LINGO1: variants seen among roughly 807,000 people sequenced by gnomAD.
The protein encoded by LINGO1 is leucine rich repeat and Ig domain containing 1.
LINGO1 carries 11 observed loss-of-function variants against 37.3 expected under a neutral mutation model. That is an observed-to-expected ratio of 0.29 (90% CI 0.19 to 0.49). LINGO1 has a LOEUF of 0.49. LINGO1 is among the 20% of genes least tolerant of loss of function. LINGO1 has a pLI of 0.99. For missense variants in LINGO1, 585 were observed against 878.2 expected (o/e 0.67, Z 4.22); for synonymous variants, 387 against 403.0 (o/e 0.96, Z 0.48).
intron 3 of LINGO1, among the ~76,000 whole-genome samples, chr15:77,650,329 T>C (rs1276743226): frequency 6.6e-6 from 1 of 152,288 alleles, no homozygotes; most frequent in Admixed American, 6.5e-5. Flanking sequence ...CAAAAAAATA[T>C]ACATATTATG....
chr15:77,646,316 G>A, intron 3 of LINGO1: 1 of 370,002 alleles, frequency 2.7e-6, no homozygotes, highest in Non-Finnish European at 5.4e-6. Flanking sequence ...GGGGAACCCG[G>A]ACCTACATGG....
intron 2 of LINGO1, among the ~76,000 whole-genome samples, chr15:77,729,058 C>A (rs1166467082): frequency 3.3e-5 from 5 of 152,186 alleles, no homozygotes; most frequent in Non-Finnish European, 5.9e-5. Flanking sequence ...CTCTTTAACC[C>A]TCCTTCCCTG....
At chr15:77,772,224 G>A (rs1280217713) in intron 1 of LINGO1, among the ~76,000 whole-genome samples, 1 of 152,216 alleles carries the variant, frequency 6.6e-6, no homozygotes, top group African/African-American at 2.4e-5. Context: ...AATGACCTGG[G>A]TGGATGGTCT....
chr15:77,773,596 T>C (rs4275820), intron 1 of LINGO1, among the ~76,000 whole-genome samples: 142,916 of 152,154 alleles, frequency 0.94, 67,233 homozygotes, highest in Non-Finnish European at 0.97. Context: ...GGAAGGCAGG[T>C]ATGACTCCAG....
At chr15:77,803,351 G>A (rs552058768) in intron 1 of LINGO1, among the ~76,000 whole-genome samples, 1 of 152,278 alleles carries the variant, frequency 6.6e-6, no homozygotes, top group East Asian at 1.9e-4. Flanking sequence ...AGGAGGCTGA[G>A]GTGGCAGGAT....
chr15:77,692,739 A>G (rs1473898176), intron 1 of LINGO1, among the ~76,000 whole-genome samples: 1 of 152,148 alleles, frequency 6.6e-6, no homozygotes, highest in East Asian at 1.9e-4. Context: ...GTAAACTTCA[A>G]TAAACACCTC....
At chr15:77,641,370 A>C (rs1475207356) in intron 3 of LINGO1, among the ~76,000 whole-genome samples, 1 of 152,206 alleles carries the variant, frequency 6.6e-6, no homozygotes, top group Non-Finnish European at 1.5e-5. Flanking sequence ...ATGTGCAAAA[A>C]CGAAGGAGGG....
At chr15:77,691,353 C>T (rs913092456) in intron 1 of LINGO1, among the ~76,000 whole-genome samples, 1 of 152,116 alleles carries the variant, frequency 6.6e-6, no homozygotes, top group Non-Finnish European at 1.5e-5. Context: ...CAAAGGCAAA[C>T]ACAGTTCCTC....
chr15:77,750,115 A>G (rs1295216981), intron 1 of LINGO1, among the ~76,000 whole-genome samples: 1 of 151,920 alleles, frequency 6.6e-6, no homozygotes, highest in African/African-American at 2.4e-5. Context: ...CTGGAGTCAG[A>G]GCAGGGGCCA....
chr15:77,634,179 A>T, upstream of LINGO1: 2 of 452,702 alleles, frequency 4.4e-6, no homozygotes, highest in South Asian at 3.1e-5. Flanking sequence ...ATCATTGCAG[A>T]GATGCCTGGT....
chr15:77,780,960 T>C (rs777939810), intron 1 of LINGO1, among the ~76,000 whole-genome samples: 4 of 152,200 alleles, frequency 2.6e-5, no homozygotes, highest in Admixed American at 6.5e-5. Flanking sequence ...TGGACTAAGA[T>C]AGATGAAGAA....
chr15:77,775,326 C>T (rs2076626396), intron 1 of LINGO1, among the ~76,000 whole-genome samples: 1 of 152,170 alleles, frequency 6.6e-6, no homozygotes, highest in Non-Finnish European at 1.5e-5. Flanking sequence ...ACTGCAGGCC[C>T]AAGTTTGGGG....
chr15:77,801,413 A>T (rs2076917331), intron 1 of LINGO1, among the ~76,000 whole-genome samples: 1 of 152,168 alleles, frequency 6.6e-6, no homozygotes. Context: ...GCATGAGCCC[A>T]TTTCTGTAAT....
At chr15:77,747,502 C>T (rs987543517) in intron 1 of LINGO1, among the ~76,000 whole-genome samples, 1 of 152,246 alleles carries the variant, frequency 6.6e-6, no homozygotes, top group South Asian at 2.1e-4. Flanking sequence ...CCTAGAAGAG[C>T]AGAGCTCAGG....
chr15:77,684,242 G>A (rs2075465454), intron 2 of LINGO1, among the ~76,000 whole-genome samples: 1 of 152,222 alleles, frequency 6.6e-6, no homozygotes. Context: ...TGGGGGCTGT[G>A]CAACGTGCCT....
intron 1 of LINGO1, among the ~76,000 whole-genome samples, chr15:77,695,017 C>G (rs1280809152): frequency 6.6e-6 from 1 of 152,082 alleles, no homozygotes; most frequent in Non-Finnish European, 1.5e-5. Context: ...TAATTTTTGA[C>G]CAGCAGTTTG....
intron 3 of LINGO1, among the ~76,000 whole-genome samples, chr15:77,654,197 T>C (rs1481796290): frequency 6.6e-6 from 1 of 151,784 alleles, no homozygotes; most frequent in Admixed American, 6.6e-5. Flanking sequence ...CAATGAGGAG[T>C]GGATATCCCG....
At chr15:77,797,129 C>T (rs1377734175) in intron 1 of LINGO1, among the ~76,000 whole-genome samples, 5 of 152,212 alleles carry the variant, frequency 3.3e-5, no homozygotes, top group African/African-American at 1.2e-4. Flanking sequence ...GTCCATGGTG[C>T]AGGACATAAC....
intron 1 of LINGO1, among the ~76,000 whole-genome samples, chr15:77,626,091 C>T (rs1047568419): frequency 6.6e-6 from 1 of 152,148 alleles, no homozygotes; most frequent in South Asian, 2.1e-4. Context: ...CTTAGAGACC[C>T]TCACACAGAT....
Sources: allele counts gnomAD v4.1 joint callset (sites outside exome capture counted in the v4.1 genomes callset), GRCh38; gene constraint gnomAD v4.1.1; transcripts MANE v1.5; gene names NCBI Gene and HGNC (gene_info 2026-07-23, HGNC 2026-07-21).